The following NMT2 variants were observed in gnomAD, a reference collection of about 807,000 sequenced individuals.
NMT2 encodes the protein N-myristoyltransferase 2, also known as glycylpeptide N-tetradecanoyltransferase 2.
A neutral mutation model predicts 65.4 loss-of-function variants in NMT2; 35 were observed. The observed-to-expected ratio is 0.54, with a 90% CI of 0.41 to 0.71. The LOEUF (loss-of-function observed/expected upper bound fraction) is 0.71, where lower values mean the gene tolerates loss of function less well. NMT2 is among the 30% of genes least tolerant of loss of function. The pLI is 0.00. For missense variants in NMT2, 489 were observed against 611.3 expected (o/e 0.80, Z 2.11); for synonymous variants, 226 against 231.8 (o/e 0.98, Z 0.23).
chr10:15,155,197 C>G (rs763287430), intron 1 of NMT2: 1 of 1,535,096 alleles, frequency 6.5e-7, no homozygotes, highest in South Asian at 1.1e-5. Flanking sequence ...AATCCTTTCT[C>G]TCCAGTGCTC....
intron 1 of NMT2, among the ~76,000 whole-genome samples, chr10:15,160,502 C>T (rs1056380944): frequency 1.3e-5 from 2 of 152,086 alleles, no homozygotes; most frequent in African/African-American, 4.8e-5. Flanking sequence ...GTGCCAGGTG[C>T]AGTGGCTCAC....
chr10:15,162,632 C>T (rs1482017776), intron 1 of NMT2, among the ~76,000 whole-genome samples: 1 of 151,704 alleles, frequency 6.6e-6, no homozygotes, highest in Non-Finnish European at 1.5e-5. Context: ...AAGATCCCAG[C>T]GATGTTAAAC....
rs139676728 is a variant in NMT2, at chr10:15,105,869, GTTA to G, written c.*3323_*3325del. Among the ~76,000 whole-genome samples the G allele has an allele frequency of 0.01, 1,554 of 152,248 alleles. 30 individuals are homozygous for G. Among genetic ancestry groups the G allele is most frequent in the African/African-American group, 0.035 (1,468 of 41,560 alleles). ...TGCTTCAATTATGGAGGCAAATGTA[GTTA>G]TTATTCTATTTAAAAGTGGTTAATA... On this transcript the variant is annotated 3_prime_UTR_variant, in exon 12 of 12. Coordinates refer to ENST00000378165, the MANE Select transcript of NMT2 (RefSeq NM_004808.3).
intron 8 of NMT2, among the ~76,000 whole-genome samples, chr10:15,125,965 G>A (rs996402015): frequency 7.9e-5 from 12 of 151,824 alleles, no homozygotes; most frequent in African/African-American, 1.5e-4. Context: ...GCGCCTGGCC[G>A]AAGATTTTAT....
chr10:15,160,998 G>C (rs1833169422), intron 1 of NMT2, among the ~76,000 whole-genome samples: 1 of 144,226 alleles, frequency 6.9e-6, no homozygotes, highest in Admixed American at 7.2e-5. Flanking sequence ...GGGGAACCGA[G>C]TCAGGTGGAT....
chr10:15,157,807 G>A (rs1374259715), intron 1 of NMT2, among the ~76,000 whole-genome samples: 1 of 152,040 alleles, frequency 6.6e-6, no homozygotes, highest in Non-Finnish European at 1.5e-5. Flanking sequence ...TGTTCAGGTT[G>A]GTAATCAATC....
chr10:15,117,929 T>C (rs1054544047), intron 9 of NMT2, among the ~76,000 whole-genome samples: 5 of 152,248 alleles, frequency 3.3e-5, no homozygotes, highest in African/African-American at 4.8e-5. Context: ...TGGAAGACTT[T>C]TCAATTATCC....
In NMT2 at chr10:15,109,185, A is replaced by C; in HGVS notation, c.*10T>G. On this transcript the variant is annotated 3_prime_UTR_variant, in exon 12 of 12. Transcript: ENST00000378165. The stretch of plus-strand genomic sequence containing the variant: ...GATGATGTCAGAGTTCTAGAAATAA[A>C]AATATCCATCTATTGTAGTACTAGT... 1 of 1,601,548 alleles carries C rather than the reference A, an allele frequency of 6.2e-7. No individual in the cohort carries two copies. Among genetic ancestry groups the C allele is most frequent in the Non-Finnish European group, 8.5e-7 (1 of 1,176,386 alleles).
chr10:15,136,443 C>G (rs1846507939), intron 2 of NMT2, among the ~76,000 whole-genome samples: 1 of 100,696 alleles, frequency 9.9e-6, no homozygotes, highest in African/African-American at 4.1e-5. Context: ...AGGAGAGGGA[C>G]AGGGGGAGGA....
At chr10:15,134,555 T>C (rs1421233701) in intron 3 of NMT2, among the ~76,000 whole-genome samples, 3 of 152,184 alleles carry the variant, frequency 2.0e-5, no homozygotes, top group Non-Finnish European at 4.4e-5. Context: ...TTTGTCCTAC[T>C]TTTCCACCAC....
chr10:15,152,895 T>C (rs748136530), intron 1 of NMT2, among the ~76,000 whole-genome samples: 2 of 152,232 alleles, frequency 1.3e-5, no homozygotes, highest in Non-Finnish European at 2.9e-5. Flanking sequence ...AGGTGATACA[T>C]GTACAAGGAT....
At chr10:15,131,321 T>TG (rs1053516381) in intron 6 of NMT2, among the ~76,000 whole-genome samples, 1 of 151,654 alleles carries the variant, frequency 6.6e-6, no homozygotes, top group African/African-American at 2.4e-5. Flanking sequence ...CCTTTTTTTT[T>TG]TTTTTCCTTT....
intron 9 of NMT2, among the ~76,000 whole-genome samples, chr10:15,117,968 C>T (rs1417417420): frequency 6.6e-6 from 1 of 152,176 alleles, no homozygotes; most frequent in South Asian, 2.1e-4. Context: ...GTAATGTAAT[C>T]CCTATCAAAC....
chr10:15,126,079 G>C (rs534068922), intron 8 of NMT2, among the ~76,000 whole-genome samples: 1 of 152,190 alleles, frequency 6.6e-6, no homozygotes, highest in East Asian at 1.9e-4. Flanking sequence ...CACAGCTGGT[G>C]TGATCTGCTC....
At chr10:15,155,215 G>A (rs766280475) in intron 1 of NMT2, 8 of 1,530,218 alleles carry the variant, frequency 5.2e-6, no homozygotes, top group Middle Eastern at 1.7e-4. Flanking sequence ...CTCAGAGCAC[G>A]AAAGTTTTCT....
intron 1 of NMT2, among the ~76,000 whole-genome samples, chr10:15,144,858 AAC>A (rs764214801): frequency 3.9e-5 from 6 of 152,230 alleles, no homozygotes; most frequent in Non-Finnish European, 5.9e-5. Context: ...CAAAACACTA[AAC>A]ACAGATTCCC....
intron 1 of NMT2, among the ~76,000 whole-genome samples, chr10:15,160,603 G>A (rs568701256): frequency 1.3e-5 from 2 of 152,032 alleles, no homozygotes; most frequent in African/African-American, 4.8e-5. Context: ...GTGAAACCCC[G>A]TCTCTACTAA....
At chr10:15,168,340 C>T (rs1213368465) in intron 1 of NMT2, 163 bp downstream of exon 1, 1 of 569,826 alleles carries the variant, frequency 1.8e-6, no homozygotes, top group East Asian at 3.8e-5. Context: ...CTCCCGCGAG[C>T]CGCGCGCCCC....
At position 15,127,563 on chromosome 10, in the gene NMT2, A is replaced by AAT. The variant is rs1554822280; in HGVS notation, c.999+786_999+787insAT. Among the ~76,000 whole-genome samples the AAT allele has an allele frequency of 1.6e-4, 14 of 89,760 alleles. No individual in the cohort carries two copies. The African/African-American group carries it at 1.8e-3, about 12-fold the overall frequency. 58.9% of individuals were successfully genotyped at this position (89,760 alleles called of 152,430 possible). On this transcript the variant is annotated intron_variant, in intron 8 of 11. Coordinates refer to ENST00000378165, the MANE Select transcript of NMT2 (RefSeq NM_004808.3). Reference sequence around the variant, plus strand: ...CTCCGTCTCAAAAAAAAAAAAAAAAAAAAAAAATAAATAAATAAATAAATA... The same window carrying AAT: ...CTCCGTCTCAAAAAAAAAAAAAAAAAATAAAAAAATAAATAAATAAATAAATA...
Sources: gnomAD v4.1 joint callset for allele counts (sites outside exome capture counted in the v4.1 genomes callset) on GRCh38, gnomAD v4.1.1 for gene constraint, MANE v1.5 for transcripts, NCBI Gene and HGNC (gene_info 2026-07-23, HGNC 2026-07-21) for gene names.